The following HMCN2 variants were observed in gnomAD, a reference collection of about 807,000 sequenced individuals.
The protein encoded by HMCN2 is hemicentin 2.
In HMCN2, 325 loss-of-function variants were observed where a neutral mutation model predicts 377.5. That is an observed-to-expected ratio of 0.86 (90% CI 0.79 to 0.94). HMCN2 has a LOEUF of 0.94. HMCN2 is among the 40% of genes least tolerant of loss of function. HMCN2 has a pLI of 0.00. For missense variants in HMCN2, 4,543 were observed against 4,725.3 expected (o/e 0.96, Z 1.13); for synonymous variants, 2,007 against 2,046.8 (o/e 0.98, Z 0.53).
intron 19 of HMCN2, 84 bp from the exon 20 acceptor site, chr9:130,325,511 G>A (rs996765335): frequency 6.6e-6 from 1 of 152,266 alleles, no homozygotes; most frequent in African/African-American, 2.4e-5. Flanking sequence ...ATCGCTGATG[G>A]ACATTTGGGC....
At chr9:130,267,019 C>T (rs185459466) in intron 1 of HMCN2, among the ~76,000 whole-genome samples, 1 of 152,012 alleles carries the variant, frequency 6.6e-6, no homozygotes, top group Non-Finnish European at 1.5e-5. Context: ...GATCACAGCT[C>T]GCTGCAGCCT....
At chr9:130,352,793 C>T in intron 30 of HMCN2, 134 bp from the exon 31 acceptor site, 1 of 657,466 alleles carries the variant, frequency 1.5e-6, no homozygotes. Context: ...TCCTTGTCCA[C>T]CATGCCTTCC....
Position 130,391,461 on chromosome 9 carries a change from A to T in HMCN2, c.9839A>T (p.Asp3280Val), listed in dbSNP as rs73551739. ...CTTCCCTGTGGCAGGTTCTACCTGG[A>T]CGGCGGCTCCCTGGTGCTAAAAGGC... is the stretch of plus-strand genomic sequence containing the variant. ...DMGPHLRFYL[D>V]GGSLVLKGLR... The change falls in exon 65 of 98, where the codon GAC becomes GTC. Residue 3280 changes from aspartate (D) to valine (V), a missense_variant. This residue lies in a region of HMCN2 where 1,073 missense variants were observed against 1,319.5 expected (regional missense o/e 0.81). Transcript: ENST00000683500. 6.9e-4 allele frequency: 677 copies of T among 987,798 alleles called. 7 individuals are homozygous for T. In the African/African-American group the frequency reaches 0.011, roughly 16 times the overall value. The allele number at this position is 987,798 out of a possible 1,614,324, so 61.2% of individuals were successfully genotyped here. A position where few individuals can be genotyped will look rare whatever the true frequency, so the allele number is the denominator to read the frequency against.
intron 4 of HMCN2, among the ~76,000 whole-genome samples, chr9:130,286,525 TCCACCTGTC>T (rs1213069768): frequency 1.3e-5 from 2 of 152,196 alleles, no homozygotes; most frequent in Non-Finnish European, 2.9e-5. Flanking sequence ...GCCAAACCCT[TCCACCTGTC>T]CCAAAGGCAG....
In HMCN2 at chr9:130,303,480, T is replaced by A. The variant is rs1228628800; in HGVS notation, c.1422-7T>A. 4.4e-6 allele frequency: 2 copies of A among 449,524 alleles called. No homozygotes were observed. The highest frequency in any genetic ancestry group is 4.7e-6 in the Non-Finnish European group (1 of 214,514). The allele number at this position is 449,524 out of a possible 1,614,324, so 27.8% of individuals were successfully genotyped here. On this transcript the variant is annotated splice_polypyrimidine_tract_variant and splice_region_variant and intron_variant, in intron 9 of 97. Transcript: ENST00000683500. The surrounding 1 kb of genome is among the most constrained non-coding windows in gnomAD (Gnocchi z 5.2). ...ATTGTGTGTCTCCCACTGTTCCCTGTTTGCAGGGAGTCGGGAAACAGCAGC... is the reference window on the plus strand; with the variant it reads ...ATTGTGTGTCTCCCACTGTTCCCTGATTGCAGGGAGTCGGGAAACAGCAGC...
chr9:130,346,534 C>T (rs1839401901), intron 25 of HMCN2, among the ~76,000 whole-genome samples: 1 of 151,704 alleles, frequency 6.6e-6, no homozygotes, highest in Non-Finnish European at 1.5e-5. Flanking sequence ...AAGTGACTGA[C>T]CCAGGCTTGT....
chr9:130,384,479 GT>G lies in HMCN2; in HGVS notation c.8938del (p.Trp2980GlyfsTer74). 2 of 1,304,258 alleles carry G rather than the reference GT, an allele frequency of 1.5e-6. No homozygotes were observed. Among genetic ancestry groups the G allele is most frequent in the Non-Finnish European group, 2.0e-6 (2 of 988,954 alleles). The allele number at this position is 1,304,258 out of a possible 1,614,324, so 80.8% of individuals were successfully genotyped here. ...VHAHPNPEVT[W>X]YKDSQALSLG... The stretch of plus-strand genomic sequence containing the variant: ...ACGCTCACCCAAACCCCGAGGTCAC[GT>G]GGTACAAGGACAGCCAGGCCCTCTC... On this transcript the variant is annotated frameshift_variant, in exon 58 of 98. Transcript: ENST00000683500. LOFTEE classifies it high-confidence loss of function.
At chr9:130,377,857 G>C in intron 53 of HMCN2, 58 bp downstream of exon 53, 1 of 982,346 alleles carries the variant, frequency 1.0e-6, no homozygotes, top group Non-Finnish European at 1.2e-6. Context: ...ACATTGTGGG[G>C]CTGGCCCTCC....
intron 1 of HMCN2, among the ~76,000 whole-genome samples, chr9:130,273,236 A>G (rs1564735589): frequency 6.6e-6 from 1 of 151,644 alleles, no homozygotes; most frequent in East Asian, 1.9e-4. Context: ...ACAAATGAGT[A>G]TTGCTAGTAT....
chr9:130,316,209 G>A (rs1421891615), intron 15 of HMCN2, among the ~76,000 whole-genome samples: 2 of 152,184 alleles, frequency 1.3e-5, no homozygotes, highest in African/African-American at 4.8e-5. Context: ...CCAGGAGTGC[G>A]ACAAAGGAAG....
At chr9:130,327,122 G>C (rs1838178939) in intron 21 of HMCN2, among the ~76,000 whole-genome samples, 188 bp from the exon 22 acceptor site, 1 of 152,034 alleles carries the variant, frequency 6.6e-6, no homozygotes, top group South Asian at 2.1e-4. Flanking sequence ...TGAAAACCCT[G>C]GGACCTGAGT....
At position 130,428,998 on chromosome 9, in the gene HMCN2, C is replaced by T. The variant is rs1048504024; in HGVS notation, c.14197+509C>T. On this transcript the variant is annotated intron_variant, in intron 93 of 97. Coordinates refer to ENST00000683500, the MANE Select transcript of HMCN2 (RefSeq NM_001291815.2). The surrounding 1 kb of genome is among the most constrained non-coding windows in gnomAD (Gnocchi z 5.0). ...ATGGCTGTAGGACCGTGGGTCCACCCGGCTCCTCTGAGAGACTGCACGGTG... is the reference window on the plus strand; with the variant it reads ...ATGGCTGTAGGACCGTGGGTCCACCTGGCTCCTCTGAGAGACTGCACGGTG... 3.9e-5 allele frequency among the ~76,000 whole-genome samples: 6 copies of T among 152,190 alleles called. No homozygotes were observed. The highest frequency in any genetic ancestry group is 3.3e-4 in the Admixed American group (5 of 15,284).
chr9:130,366,561 C>T (rs1196721416), intron 43 of HMCN2, among the ~76,000 whole-genome samples: 1 of 132,108 alleles, frequency 7.6e-6, no homozygotes, highest in East Asian at 2.5e-4. Context: ...TGGAGTGATT[C>T]TCCTGCCTCA....
chr9:130,430,419 A>T lies in HMCN2; in HGVS notation c.14462A>T (p.Asn4821Ile). 1.9e-6 allele frequency: 3 copies of T among 1,550,418 alleles called. No individual in the cohort carries two copies. Among genetic ancestry groups the T allele is most frequent in the Non-Finnish European group, 2.6e-6 (3 of 1,146,930 alleles). ...AAGGCCTGCACCTCACTGGAGCGGA[A>T]TGGACAAAATGTGACCACCGTCAGC... is the stretch of plus-strand genomic sequence containing the variant. ...DGKACTSLER[N>I]GQNVTTVSHR... The change falls in exon 95 of 98, where the codon AAT becomes ATT. Residue 4821 changes from asparagine (N) to isoleucine (I), a missense_variant. Coordinates refer to ENST00000683500, the MANE Select transcript of HMCN2 (RefSeq NM_001291815.2).
intron 22 of HMCN2, among the ~76,000 whole-genome samples, chr9:130,336,852 G>A (rs1404499307): frequency 6.6e-6 from 1 of 150,570 alleles, no homozygotes; most frequent in Non-Finnish European, 1.5e-5. Context: ...GCAGCTGCCC[G>A]CGAGGTGGGG....
chr9:130,266,304 C>T (rs1834096362), intron 1 of HMCN2, among the ~76,000 whole-genome samples, 167 bp downstream of exon 1: 1 of 152,246 alleles, frequency 6.6e-6, no homozygotes, highest in South Asian at 2.1e-4. Flanking sequence ...GCCACCTGGG[C>T]AGTCCTTGCA....
At chr9:130,319,471 G>C (rs963923769) in intron 15 of HMCN2, 24 bp from the exon 16 acceptor site, 6 of 152,328 alleles carry the variant, frequency 3.9e-5, no homozygotes, top group African/African-American at 1.4e-4. Context: ...CTCCGGGCAT[G>C]GTTGACTGGT....
chr9:130,324,617 T>C (rs1452251216), intron 19 of HMCN2, among the ~76,000 whole-genome samples: 2 of 152,094 alleles, frequency 1.3e-5, no homozygotes, highest in African/African-American at 2.4e-5. Flanking sequence ...TCCCTCTTAG[T>C]GGTTTTTTAA....
intron 87 of HMCN2, among the ~76,000 whole-genome samples, chr9:130,424,298 C>T (rs2131809903): frequency 6.6e-6 from 1 of 151,636 alleles, no homozygotes; most frequent in African/African-American, 2.4e-5. Flanking sequence ...CCTGCCTCAG[C>T]CTCCCAAGTA....
Sources: gnomAD v4.1 joint callset for allele counts (sites outside exome capture counted in the v4.1 genomes callset) on GRCh38, gnomAD v4.1.1 for gene constraint, gnomAD v4.1.1 regional missense constraint, Gnocchi (gnomAD v3.1) non-coding constraint, MANE v1.5 for transcripts, NCBI Gene and HGNC (gene_info 2026-07-23, HGNC 2026-07-21) for gene names.